The following PPP5C variants were observed in gnomAD, a reference collection of about 807,000 sequenced individuals.
PPP5C encodes the protein serine/threonine-protein phosphatase 5.
In PPP5C, 21 loss-of-function variants were observed where a neutral mutation model predicts 66.7. The observed-to-expected ratio is 0.31, with a 90% CI of 0.22 to 0.45. PPP5C has a LOEUF of 0.45. PPP5C is among the 20% of genes least tolerant of loss of function. PPP5C has a pLI of 1.00. For synonymous variants in PPP5C, 246 were observed against 257.4 expected (o/e 0.96, Z 0.43); for missense variants, 464 against 675.9 (o/e 0.69, Z 3.48).
In PPP5C at chr19:46,376,968, G is replaced by A. The variant is rs370618741; in HGVS notation, c.633+394G>A. Among the ~76,000 whole-genome samples the A allele has an allele frequency of 3.9e-5, 6 of 152,108 alleles. No individual in the cohort carries two copies. The highest frequency in any genetic ancestry group is 5.9e-5 in the Non-Finnish European group (4 of 68,002). On this transcript the variant is annotated intron_variant, in intron 4 of 12. Coordinates refer to ENST00000012443, the MANE Select transcript of PPP5C (RefSeq NM_006247.4). The surrounding 1 kb of genome is among the most constrained non-coding windows in gnomAD (Gnocchi z 5.1). ...CTAGTCCTGAGACCACCCCCTCCCC[G>A]ACCTAGGAGGGCAGCTGGCCACAGG...
At chr19:46,356,253 C>T (rs548440579) in intron 2 of PPP5C, among the ~76,000 whole-genome samples, 187 of 152,344 alleles carry the variant, frequency 1.2e-3, no homozygotes, top group African/African-American at 4.5e-3. Context: ...CATTGGGGAC[C>T]CCCACATGAA....
intron 1 of PPP5C, among the ~76,000 whole-genome samples, chr19:46,351,721 A>G (rs759302): frequency 0.97 from 148,409 of 152,364 alleles, 72,310 homozygotes; most frequent in East Asian, 1. Context: ...TGGGCTGCCC[A>G]GTTCTGCCCT....
At position 46,360,694 on chromosome 19, in the gene PPP5C, G is replaced by C. The variant is rs143402039; in HGVS notation, c.363+6705G>C. On this transcript the variant is annotated intron_variant, in intron 2 of 12. Transcript: ENST00000012443. ...TTTTTTGTATTTTTTGTAGAGACAG[G>C]GTTTTGCTATGTTGGCCAAGGTGGT... Among the ~76,000 whole-genome samples the C allele has an allele frequency of 4.3e-3, 661 of 152,082 alleles. 4 individuals carry two copies. The highest frequency in any genetic ancestry group is 0.014 in the African/African-American group (570 of 41,472).
chr19:46,376,415 T>C lies in PPP5C; in HGVS notation c.512-38T>C, dbSNP rs200114827. On this transcript the variant is annotated intron_variant, in intron 3 of 12. Transcript: ENST00000012443. This position sits in a 1 kb window ranked among gnomAD's most constrained non-coding sequence, Gnocchi z 5.1. ...ACCCCCTTCTCCCTCATAGTGGCTG[T>C]GGTCACTGACTCTCGTGTCCCGTTG... 3.7e-6 allele frequency: 6 copies of C among 1,606,632 alleles called. No homozygotes were observed. The South Asian group carries it at 5.5e-5, about 15-fold the overall frequency.
intron 2 of PPP5C, among the ~76,000 whole-genome samples, chr19:46,372,740 C>T (rs1198400714): frequency 6.6e-6 from 1 of 152,206 alleles, no homozygotes; most frequent in Non-Finnish European, 1.5e-5. Flanking sequence ...TCCCAGTTTT[C>T]CCTAAAGGTA....
At position 46,383,534 on chromosome 19, in the gene PPP5C, A is replaced by C; in HGVS notation, c.699+58A>C. 6.7e-7 allele frequency: 1 copy of C among 1,484,428 alleles called. No individual in the cohort carries two copies. Among genetic ancestry groups the C allele is most frequent in the Non-Finnish European group, 9.2e-7 (1 of 1,090,228 alleles). 92.0% of individuals were successfully genotyped at this position (1,484,428 alleles called of 1,614,324 possible). ...GCGGGGGTGGGCTCTCTGGCTGGGG[A>C]GGGGCCACAGAGCTCAGGAACTCAC... On this transcript the variant is annotated intron_variant, in intron 5 of 12. Coordinates refer to ENST00000012443, the MANE Select transcript of PPP5C (RefSeq NM_006247.4). This position sits in a 1 kb window ranked among gnomAD's most constrained non-coding sequence, Gnocchi z 5.0.
chr19:46,350,473 A>G (rs2147357984), intron 1 of PPP5C, among the ~76,000 whole-genome samples: 1 of 152,244 alleles, frequency 6.6e-6, no homozygotes. Flanking sequence ...GGCTCTCAGG[A>G]GTCCTGGGGC....
chr19:46,356,597 C>T (rs1013060898), intron 2 of PPP5C, among the ~76,000 whole-genome samples: 5 of 152,216 alleles, frequency 3.3e-5, no homozygotes, highest in African/African-American at 1.2e-4. Context: ...GATGTCCCTC[C>T]TCCAAGGTCA....
intron 4 of PPP5C, among the ~76,000 whole-genome samples, chr19:46,378,544 G>A (rs932238005): frequency 6.6e-6 from 1 of 152,118 alleles, no homozygotes; most frequent in Non-Finnish European, 1.5e-5. Context: ...TTATTGAGGG[G>A]GCTGTTAAAA....
intron 6 of PPP5C, 115 bp from the exon 7 acceptor site, chr19:46,384,686 CAGG>C: frequency 1.4e-6 from 1 of 736,916 alleles, no homozygotes; most frequent in South Asian, 1.6e-5. Flanking sequence ...GAGGTGCTGA[CAGG>C]AGGCTTGAGG....
chr19:46,361,485 T>G (rs1311214400), intron 2 of PPP5C, among the ~76,000 whole-genome samples: 4 of 142,480 alleles, frequency 2.8e-5, no homozygotes, highest in African/African-American at 7.7e-5. Flanking sequence ...GGTGGCTCAC[T>G]CCTGTAATCC....
At chr19:46,350,351 A>C (rs570774907) in intron 1 of PPP5C, among the ~76,000 whole-genome samples, 2 of 152,282 alleles carry the variant, frequency 1.3e-5, no homozygotes, top group Admixed American at 6.5e-5. Flanking sequence ...GGAAGGTGGA[A>C]TTCCCTGGGA....
Position 46,376,471 on chromosome 19 carries a change from G to A in PPP5C, c.530G>A (p.Ser177Asn), listed in dbSNP as rs1236137603. The A allele has an allele frequency of 1.9e-6, 3 of 1,613,788 alleles. No homozygotes were observed. Among genetic ancestry groups the A allele is most frequent in the Non-Finnish European group, 2.5e-6 (3 of 1,179,824 alleles). The part of the protein sequence containing the change: ...IESMTIEDEY[S>N]GPKLEDGKVT... Reference sequence around the variant, plus strand: ...ACCCTAGCCATTGAGGATGAGTACAGCGGACCCAAGCTTGAAGACGGCAAA... The same window carrying A: ...ACCCTAGCCATTGAGGATGAGTACAACGGACCCAAGCTTGAAGACGGCAAA... The change falls in exon 4 of 13, where the codon AGC becomes AAC. Residue 177 changes from serine (S) to asparagine (N), a missense_variant. Ser to Asn is a conservative substitution (Grantham distance 46). Coordinates refer to ENST00000012443, the MANE Select transcript of PPP5C (RefSeq NM_006247.4). The surrounding 1 kb of genome is among the most constrained non-coding windows in gnomAD (Gnocchi z 5.1).
In PPP5C at chr19:46,384,918, G is replaced by A; in HGVS notation, c.904+9G>A. The A allele has an allele frequency of 1.9e-6, 3 of 1,606,414 alleles. No individual in the cohort carries two copies. The South Asian group carries it at 3.3e-5, about 18-fold the overall frequency. ...CTTTCACCTCCTTCGAGGTGAGCTG[G>A]GAAGTGACAAGGTTTGGGTTCATTG... On this transcript the variant is annotated intron_variant, in intron 7 of 12. Transcript: ENST00000012443.
At chr19:46,370,658 G>A (rs1389732561) in intron 2 of PPP5C, among the ~76,000 whole-genome samples, 1 of 152,166 alleles carries the variant, frequency 6.6e-6, no homozygotes, top group Non-Finnish European at 1.5e-5. Context: ...GACTATTTCA[G>A]TGTGTTTATC....
rs1797104989 is a variant in PPP5C, at chr19:46,390,594, C to T, written c.*248C>T. 7.4e-7 allele frequency: 1 copy of T among 1,349,434 alleles called. No homozygotes were observed. Among genetic ancestry groups the T allele is most frequent in the East Asian group, 3.0e-5 (1 of 33,780 alleles). The allele number at this position is 1,349,434 out of a possible 1,614,324, so 83.6% of individuals were successfully genotyped here. The stretch of plus-strand genomic sequence containing the variant: ...GCTGGGGCTGGGGGCACAGCCTGGG[C>T]ATTCTGTGGGGAGGCCGTCCTCGGG... On this transcript the variant is annotated 3_prime_UTR_variant, in exon 13 of 13. Transcript: ENST00000012443.
At chr19:46,369,879 T>TA (rs1972556069) in intron 2 of PPP5C, among the ~76,000 whole-genome samples, 1 of 135,574 alleles carries the variant, frequency 7.4e-6, no homozygotes, top group Non-Finnish European at 1.5e-5. Flanking sequence ...TGAGCCGAGA[T>TA]CAAGCCATTG....
Position 46,376,315 on chromosome 19 carries a change from G to A in PPP5C, c.512-138G>A, listed in dbSNP as rs1972694475. ...CTCTGGGCCAGACCTGACCCAGGAG[G>A]GGACTCTTCACTCACTCTGTCCCGC... On this transcript the variant is annotated intron_variant, in intron 3 of 12. Transcript: ENST00000012443. The surrounding 1 kb of genome is among the most constrained non-coding windows in gnomAD (Gnocchi z 5.1). The A allele has an allele frequency of 1.8e-6, 2 of 1,121,762 alleles. No homozygotes were observed. The highest frequency in any genetic ancestry group is 2.5e-6 in the Non-Finnish European group (2 of 789,708). The allele number at this position is 1,121,762 out of a possible 1,614,324, so 69.5% of individuals were successfully genotyped here. A position where few individuals can be genotyped will look rare whatever the true frequency, so the allele number is the denominator to read the frequency against.
At position 46,376,203 on chromosome 19, in the gene PPP5C, G is replaced by T. The variant is rs1222524337; in HGVS notation, c.512-250G>T. ...AGGAGGGAGATAAGATGATGAATAAGTCATGAAATGAATAGTGCTAAGTGC... is the reference window on the plus strand; with the variant it reads ...AGGAGGGAGATAAGATGATGAATAATTCATGAAATGAATAGTGCTAAGTGC... On this transcript the variant is annotated intron_variant, in intron 3 of 12. Coordinates refer to ENST00000012443, the MANE Select transcript of PPP5C (RefSeq NM_006247.4). The surrounding 1 kb of genome is among the most constrained non-coding windows in gnomAD (Gnocchi z 5.1). Among the ~76,000 whole-genome samples, 4 of 152,148 alleles carry T rather than the reference G, an allele frequency of 2.6e-5. No homozygotes were observed. The highest frequency in any genetic ancestry group is 5.9e-5 in the Non-Finnish European group (4 of 68,022).
Sources: allele counts gnomAD v4.1 joint callset (sites outside exome capture counted in the v4.1 genomes callset), GRCh38; gene constraint gnomAD v4.1.1; non-coding constraint Gnocchi (gnomAD v3.1); transcripts MANE v1.5; gene names NCBI Gene and HGNC (gene_info 2026-07-23, HGNC 2026-07-21).